PLGRKT: variants seen among roughly 807,000 people sequenced by gnomAD.
PLGRKT encodes plasminogen receptor (KT).
In PLGRKT, 22 loss-of-function variants were observed where a neutral mutation model predicts 18.5. That is an observed-to-expected ratio of 1.19 (90% CI 0.85 to 1.70). PLGRKT has a LOEUF of 1.70. Among genes scored for constraint, PLGRKT ranks in the 40% most tolerant of loss-of-function variants. The pLI is 0.00. For synonymous variants in PLGRKT, 72 were observed against 52.8 expected (o/e 1.36, Z -1.58); for missense variants, 235 against 174.4 (o/e 1.35, Z -1.96).
chr9:5,370,563 T>C (rs1485249472), intron 3 of PLGRKT, among the ~76,000 whole-genome samples: 1 of 152,220 alleles, frequency 6.6e-6, no homozygotes, highest in East Asian at 1.9e-4. Flanking sequence ...CACAGTATAT[T>C]CACATGACAG....
At chr9:5,427,314 C>A (rs944866728) in intron 3 of PLGRKT, among the ~76,000 whole-genome samples, 5 of 152,006 alleles carry the variant, frequency 3.3e-5, no homozygotes, top group Non-Finnish European at 5.9e-5. Flanking sequence ...TTTTACTTAA[C>A]CATAGCCCCA....
intron 3 of PLGRKT, among the ~76,000 whole-genome samples, chr9:5,396,870 C>G (rs757204268): frequency 2.0e-4 from 31 of 151,922 alleles, no homozygotes; most frequent in Non-Finnish European, 3.5e-4. Context: ...AACAATTTAT[C>G]TCATCAAAAT....
At position 5,399,859 on chromosome 9, in the gene PLGRKT, T is replaced by G. The variant is rs113536468; in HGVS notation, c.81+32038A>C. Among the ~76,000 whole-genome samples the G allele has an allele frequency of 9.9e-3, 1,498 of 151,518 alleles. 46 individuals carry two copies. The highest frequency in any genetic ancestry group is 0.035 in the African/African-American group (1,438 of 41,026). On this transcript the variant is annotated intron_variant, in intron 3 of 5. Transcript: ENST00000223864. ...ACCAAAAATTAGCCAGGCCTGGTGG[T>G]GCACGCCTGTCATCCCAGCTACTCA...
In PLGRKT at chr9:5,387,349, T is replaced by G. The variant is rs141033272; in HGVS notation, c.82-25461A>C. On this transcript the variant is annotated intron_variant, in intron 3 of 5. Coordinates refer to ENST00000223864, the MANE Select transcript of PLGRKT (RefSeq NM_018465.4). Reference sequence around the variant, plus strand: ...AGTACCCAAGAGGAATGAACACATTTTCATTCATAGCAACAATTGCCATAA... The same window carrying G: ...AGTACCCAAGAGGAATGAACACATTGTCATTCATAGCAACAATTGCCATAA... Among the ~76,000 whole-genome samples, 165 of 151,982 alleles carry G rather than the reference T, an allele frequency of 1.1e-3. 5 individuals carry two copies. Among genetic ancestry groups the G allele is most frequent in the African/African-American group, 3.9e-3 (162 of 41,264 alleles).
chr9:5,431,799 T>C, intron 3 of PLGRKT, 98 bp downstream of exon 3: 1 of 652,920 alleles, frequency 1.5e-6, no homozygotes, highest in Non-Finnish European at 2.8e-6. Context: ...AAAGAACATT[T>C]TATTGTTGGG....
At chr9:5,398,113 A>G (rs1178316518) in intron 3 of PLGRKT, among the ~76,000 whole-genome samples, 19 of 151,862 alleles carry the variant, frequency 1.3e-4, no homozygotes, top group African/African-American at 4.1e-4. Flanking sequence ...GCAGACAATG[A>G]ATAAGATCCC....
chr9:5,361,713 A>C lies in PLGRKT; in HGVS notation c.212+45T>G, dbSNP rs186996998. ...ATAATAAAATGGTAATGGAAAACAC[A>C]AAAAGAAGTAAATGACTGAAGAAAA... On this transcript the variant is annotated intron_variant, in intron 4 of 5. Transcript: ENST00000223864. The C allele has an allele frequency of 3.6e-5, 56 of 1,568,830 alleles. No individual in the cohort carries two copies. The East Asian group carries it at 1.2e-3, about 34-fold the overall frequency.
intron 3 of PLGRKT, among the ~76,000 whole-genome samples, chr9:5,389,215 G>A (rs79489542): frequency 0.071 from 10,716 of 151,934 alleles, 581 homozygotes; most frequent in East Asian, 0.16. Flanking sequence ...AGGCAACAGT[G>A]AAAAATAGTA....
chr9:5,362,189 C>T (rs1423692633), intron 3 of PLGRKT, among the ~76,000 whole-genome samples: 1 of 152,162 alleles, frequency 6.6e-6, no homozygotes, highest in Non-Finnish European at 1.5e-5. Flanking sequence ...TCCAGCTTTT[C>T]CTATTGGATG....
chr9:5,366,471 A>G (rs1207214012), intron 3 of PLGRKT, among the ~76,000 whole-genome samples: 1 of 152,204 alleles, frequency 6.6e-6, no homozygotes, highest in Non-Finnish European at 1.5e-5. Flanking sequence ...GTTCCTGATT[A>G]TAACTTCACA....
chr9:5,383,116 G>A (rs1411670561), intron 3 of PLGRKT, among the ~76,000 whole-genome samples: 1 of 152,208 alleles, frequency 6.6e-6, no homozygotes, highest in Non-Finnish European at 1.5e-5. Context: ...GAGAGGCCAG[G>A]TGGAGAAGGC....
chr9:5,428,446 G>C (rs1257251861), intron 3 of PLGRKT, among the ~76,000 whole-genome samples: 1 of 152,200 alleles, frequency 6.6e-6, no homozygotes, highest in Non-Finnish European at 1.5e-5. Flanking sequence ...GGGTGGCCCA[G>C]AGCTCCAAAG....
chr9:5,392,176 T>C (rs1385596766), intron 3 of PLGRKT, among the ~76,000 whole-genome samples: 1 of 151,942 alleles, frequency 6.6e-6, no homozygotes, highest in African/African-American at 2.4e-5. Context: ...AGTTATATTA[T>C]CTGGTCTCCT....
At chr9:5,373,093 T>A (rs781292436) in intron 3 of PLGRKT, among the ~76,000 whole-genome samples, 2 of 152,186 alleles carry the variant, frequency 1.3e-5, no homozygotes, top group Non-Finnish European at 2.9e-5. Flanking sequence ...CACCTTTCTA[T>A]ATAATTAGTG....
intron 3 of PLGRKT, among the ~76,000 whole-genome samples, chr9:5,417,446 G>A (rs1586738047): frequency 6.6e-6 from 1 of 151,766 alleles, no homozygotes; most frequent in Non-Finnish European, 1.5e-5. Context: ...AAACACAGGA[G>A]TAAATCCATA....
In PLGRKT at chr9:5,418,627, C is replaced by A. The variant is rs1818511101; in HGVS notation, c.81+13270G>T. On this transcript the variant is annotated intron_variant, in intron 3 of 5. Coordinates refer to ENST00000223864, the MANE Select transcript of PLGRKT (RefSeq NM_018465.4). This position sits in a 1 kb window ranked among gnomAD's most constrained non-coding sequence, Gnocchi z 4.2. ...CCGGTTCCTGGGCAGCAGGTGGCGGCTCATATCTCCGGGCAGCAGCGCGTG... is the reference window on the plus strand; with the variant it reads ...CCGGTTCCTGGGCAGCAGGTGGCGGATCATATCTCCGGGCAGCAGCGCGTG... The A allele has an allele frequency of 2.8e-6, 2 of 710,988 alleles. No homozygotes were observed. The highest frequency in any genetic ancestry group is 5.3e-6 in the Non-Finnish European group (2 of 380,442). 44.0% of individuals were successfully genotyped at this position (710,988 alleles called of 1,614,324 possible).
At chr9:5,358,508 AAT>A (rs1236270807) in intron 5 of PLGRKT, 148 bp from the exon 6 acceptor site, 2 of 572,740 alleles carry the variant, frequency 3.5e-6, no homozygotes, top group African/African-American at 3.7e-5. Context: ...CAGGAGAAGT[AAT>A]ATACTTCCCA....
chr9:5,391,243 G>A (rs1327393296), intron 3 of PLGRKT, among the ~76,000 whole-genome samples: 1 of 151,916 alleles, frequency 6.6e-6, no homozygotes, highest in Non-Finnish European at 1.5e-5. Flanking sequence ...GTCAAAATAA[G>A]ATTATTTATC....
intron 2 of PLGRKT, among the ~76,000 whole-genome samples, chr9:5,434,660 C>T (rs547797835): frequency 1.8e-3 from 263 of 149,960 alleles, no homozygotes; most frequent in Middle Eastern, 6.9e-3. Context: ...TGAGGAGCAC[C>T]GCTGCCCGGC....
Sources: allele counts gnomAD v4.1 joint callset (sites outside exome capture counted in the v4.1 genomes callset), GRCh38; gene constraint gnomAD v4.1.1; non-coding constraint Gnocchi (gnomAD v3.1); transcripts MANE v1.5; gene names NCBI Gene and HGNC (gene_info 2026-07-23, HGNC 2026-07-21).